Variants in CHN2 observed in about 807,000 individuals in gnomAD.
CHN2 encodes chimerin 2.
CHN2 carries 35 observed loss-of-function variants against 56.3 expected under a neutral mutation model. The observed-to-expected ratio is 0.62, with a 90% CI of 0.47 to 0.82. The LOEUF (loss-of-function observed/expected upper bound fraction) is 0.82. Ranked by LOEUF, CHN2 falls within the 40% of genes least tolerant of loss-of-function variation. The probability of loss-of-function intolerance (pLI) is 0.00; values close to 1 mark genes in which losing one functional copy is unlikely to be tolerated. For missense variants in CHN2, 491 were observed against 580.5 expected, an observed-to-expected ratio of 0.85 and a Z score of 1.58; for synonymous variants, 210 against 212.8, an observed-to-expected ratio of 0.99 and a Z score of 0.12.
chr7:29,399,922 G>T (rs1032305629), intron 5 of CHN2, among the ~76,000 whole-genome samples: 1 of 152,206 alleles, frequency 6.6e-6, no homozygotes, highest in African/African-American at 2.4e-5. Flanking sequence ...TCAGGGCCCA[G>T]AGAGGAGGGA....
At chr7:29,327,098 G>C (rs1377074854) in intron 1 of CHN2, among the ~76,000 whole-genome samples, 1 of 152,162 alleles carries the variant, frequency 6.6e-6, no homozygotes, top group Non-Finnish European at 1.5e-5. Flanking sequence ...TCAGGGATGA[G>C]GAAGCTGGAA....
chr7:29,261,691 T>C (rs757482455), intron 1 of CHN2, among the ~76,000 whole-genome samples: 3 of 152,328 alleles, frequency 2.0e-5, no homozygotes, highest in Non-Finnish European at 4.4e-5. Flanking sequence ...AACACATTAC[T>C]GAAATTACTT....
chr7:29,210,912 AG>A (rs1437610396), intron 1 of CHN2, among the ~76,000 whole-genome samples: 1 of 152,158 alleles, frequency 6.6e-6, no homozygotes, highest in African/African-American at 2.4e-5. Context: ...CAGTAGAGTG[AG>A]AAAGGGGTAA....
intron 2 of CHN2, among the ~76,000 whole-genome samples, chr7:29,363,972 T>G (rs1242649146): frequency 1.3e-5 from 2 of 151,850 alleles, no homozygotes; most frequent in African/African-American, 4.8e-5. Flanking sequence ...AGGAGTTTGA[T>G]TCCAGCCTGG....
intron 1 of CHN2, among the ~76,000 whole-genome samples, chr7:29,219,141 G>A (rs914422876): frequency 1.3e-5 from 2 of 152,126 alleles, no homozygotes; most frequent in Non-Finnish European, 2.9e-5. Flanking sequence ...ACCTGAAAAA[G>A]TCGACTCTCC....
intron 2 of CHN2, among the ~76,000 whole-genome samples, chr7:29,160,776 C>T (rs1408311910): frequency 7.2e-5 from 11 of 152,138 alleles, no homozygotes; most frequent in African/African-American, 1.9e-4. Context: ...CTCTTAATGA[C>T]GTTGATCTAA....
At chr7:29,147,232 AAC>A (rs1792864343) in intron 2 of CHN2, 1 of 442,372 alleles carries the variant, frequency 2.3e-6, no homozygotes, top group Non-Finnish European at 4.1e-6. Flanking sequence ...GCAAGTAGAT[AAC>A]ACAAAATAAA....
intron 2 of CHN2, among the ~76,000 whole-genome samples, chr7:29,160,849 A>G (rs1795075974): frequency 6.6e-6 from 1 of 152,234 alleles, no homozygotes; most frequent in Admixed American, 6.5e-5. Flanking sequence ...GATAATATCT[A>G]TTAATCATTG....
intron 1 of CHN2, among the ~76,000 whole-genome samples, chr7:29,307,996 A>C (rs921623934): frequency 3.9e-5 from 6 of 152,240 alleles, no homozygotes; most frequent in African/African-American, 1.4e-4. Context: ...TGCATTTAGC[A>C]CTGCATCTTT....
chr7:29,171,314 AAAG>A (rs1464953034), intron 2 of CHN2, among the ~76,000 whole-genome samples: 4 of 152,210 alleles, frequency 2.6e-5, no homozygotes, highest in African/African-American at 9.6e-5. Context: ...ACAGGTCTAT[AAAG>A]AAGAACAACC....
In CHN2 at chr7:29,513,069, T is replaced by C. The variant is rs1337779452; in HGVS notation, c.*334T>C. On this transcript the variant is annotated 3_prime_UTR_variant, in exon 13 of 13. Transcript: ENST00000222792. ...AGTCTTATTGGTAATAAAAGGGAACTTAATTCATACAGGTACTTGATACAG... is the reference window on the plus strand; with the variant it reads ...AGTCTTATTGGTAATAAAAGGGAACCTAATTCATACAGGTACTTGATACAG... The C allele has an allele frequency of 5.3e-6, 1 of 189,648 alleles. No homozygotes were observed. The highest frequency in any genetic ancestry group is 2.3e-5 in the African/African-American group (1 of 42,930). 11.7% of individuals were successfully genotyped at this position (189,648 alleles called of 1,614,324 possible). A position where few individuals can be genotyped will look rare whatever the true frequency, so the allele number is the denominator to read the frequency against.
intron 7 of CHN2, 26 bp from the exon 8 acceptor site, chr7:29,495,926 A>G (rs748829138): frequency 3.1e-5 from 49 of 1,604,116 alleles, no homozygotes; most frequent in Non-Finnish European, 4.2e-5. Flanking sequence ...GAGCTTTCTG[A>G]CATTTTTCTT....
chr7:29,333,703 T>C (rs1796387341), intron 1 of CHN2, among the ~76,000 whole-genome samples: 1 of 152,224 alleles, frequency 6.6e-6, no homozygotes, highest in South Asian at 2.1e-4. Context: ...CTTTCCTGGC[T>C]GATTTCTTCT....
At position 29,250,704 on chromosome 7, in the gene CHN2, ACTT is replaced by A. The variant is rs36063772; in HGVS notation, c.49+55721_49+55723del. ...AAGACTCTTCCCTTTTTTTACCTGA[ACTT>A]CTTCTTTTTTTTTTTTTTTTTGAGG... On this transcript the variant is annotated intron_variant, in intron 1 of 12. Transcript: ENST00000222792. 9.3e-3 allele frequency among the ~76,000 whole-genome samples: 1,337 copies of A among 144,186 alleles called. 14 individuals are homozygous for A. Among genetic ancestry groups the A allele is most frequent in the Admixed American group, 0.033 (489 of 14,640 alleles). 94.6% of individuals were successfully genotyped at this position (144,186 alleles called of 152,430 possible).
intron 6 of CHN2, 107 bp downstream of exon 6, chr7:29,400,935 C>T (rs10251888): frequency 1.8e-6 from 2 of 1,104,344 alleles, no homozygotes; most frequent in East Asian, 2.6e-5. Context: ...GACCCACCCC[C>T]ACCCGAAGAA....
intron 7 of CHN2, among the ~76,000 whole-genome samples, chr7:29,483,606 A>T (rs1167561230): frequency 1.3e-5 from 2 of 152,220 alleles, no homozygotes; most frequent in Non-Finnish European, 2.9e-5. Context: ...CTGTTTGTCA[A>T]GAGAAAAACC....
At chr7:29,254,959 G>A (rs1788950060) in intron 1 of CHN2, among the ~76,000 whole-genome samples, 2 of 152,146 alleles carry the variant, frequency 1.3e-5, no homozygotes, top group South Asian at 2.1e-4. Flanking sequence ...TCTGAGCAAC[G>A]GCATGCAGTT....
At chr7:29,511,542 T>G (rs552261629) in intron 12 of CHN2, among the ~76,000 whole-genome samples, 1 of 152,270 alleles carries the variant, frequency 6.6e-6, no homozygotes, top group Non-Finnish European at 1.5e-5. Flanking sequence ...GAGGAAACTG[T>G]GGGCACTTTG....
rs570185456 is a variant in CHN2 at position 29,168,745 on chromosome 7, T to G, written c.274+21785T>G. The stretch of plus-strand genomic sequence containing the variant: ...GATGGCTAAACACACTTAAAAACTA[T>G]TTTTCCATTATATTATGCTAAAAGC... On this transcript the variant is annotated intron_variant, in intron 2 of 6. Coordinates refer to the CHN2 transcript ENST00000439384. Among the ~76,000 whole-genome samples, 54 of 152,372 alleles carry G rather than the reference T, an allele frequency of 3.5e-4. 1 individual carries two copies. Among genetic ancestry groups the G allele is most frequent in the African/African-American group, 1.2e-3 (49 of 41,596 alleles).
Sources: allele counts gnomAD v4.1 joint callset (sites outside exome capture counted in the v4.1 genomes callset), GRCh38; gene constraint gnomAD v4.1.1; transcripts MANE v1.5; gene names NCBI Gene and HGNC (gene_info 2026-07-23, HGNC 2026-07-21).